AFF1: variants seen among roughly 807,000 people sequenced by gnomAD.
AFF1 encodes ALF transcription elongation factor 1, also known as AF4/FMR2 family member 1.
In AFF1, 48 loss-of-function variants were observed where a neutral mutation model predicts 121.7. That is an observed-to-expected ratio of 0.39 (90% CI 0.31 to 0.50). The LOEUF is 0.50. Among genes scored for constraint, AFF1 ranks in the 20% least tolerant of loss-of-function variants. The pLI is 0.76. For missense variants in AFF1, 1,523 were observed against 1,511.7 expected, an observed-to-expected ratio of 1.01 and a Z score of -0.12; for synonymous variants, 613 against 563.0, an observed-to-expected ratio of 1.09 and a Z score of -1.26.
At chr4:87,077,900 T>A (rs1398424211) in intron 4 of AFF1, among the ~76,000 whole-genome samples, 1 of 152,222 alleles carries the variant, frequency 6.6e-6, no homozygotes, top group Non-Finnish European at 1.5e-5. Flanking sequence ...AGATACACAT[T>A]TAGATTGTTT....
chr4:87,018,822 A>T (rs184411523), intron 2 of AFF1, among the ~76,000 whole-genome samples: 1 of 152,356 alleles, frequency 6.6e-6, no homozygotes, highest in East Asian at 1.9e-4. Context: ...TAATTGGCAC[A>T]TAAATGTAAA....
intron 2 of AFF1, chr4:87,007,542 T>TCTC (rs978173602): frequency 2.2e-6 from 3 of 1,340,714 alleles, no homozygotes; most frequent in Admixed American, 1.9e-5. Context: ...GTCATTGCCT[T>TCTC]CTCATCATTC....
chr4:87,114,383 C>T lies in AFF1; in HGVS notation c.1550C>T (p.Thr517Ile). 1.3e-6 allele frequency: 2 copies of T among 1,595,672 alleles called. No homozygotes were observed. The highest frequency in any genetic ancestry group is 1.7e-6 in the Non-Finnish European group (2 of 1,175,504). ...TPAPEPEPPT[T>I]NKWQLDNWLT... is the part of the protein sequence containing the mutation. ...TATTTTTAGCCTGAGCCTCCAACAA[C>T]AAACAAATGGCAGCTGGACAACTGG... The change falls in exon 12 of 21, where the codon ACA becomes ATA. Residue 517 changes from threonine (T) to isoleucine (I), a missense_variant. This residue lies in a region of AFF1 where 905 missense variants were observed against 842.5 expected (regional missense o/e 1.07). Coordinates refer to ENST00000395146, the MANE Select transcript of AFF1 (RefSeq NM_001166693.3).
intron 2 of AFF1, among the ~76,000 whole-genome samples, chr4:87,012,764 C>T (rs1230300498): frequency 6.6e-6 from 1 of 152,056 alleles, no homozygotes; most frequent in Non-Finnish European, 1.5e-5. Flanking sequence ...GTGCTAATGC[C>T]CCAGGGAACT....
intron 2 of AFF1, among the ~76,000 whole-genome samples, chr4:86,998,496 G>A (rs1442775595): frequency 2.6e-5 from 4 of 152,154 alleles, no homozygotes; most frequent in Non-Finnish European, 4.4e-5. Flanking sequence ...AGAAAATAAC[G>A]TCATCTGACT....
intron 4 of AFF1, among the ~76,000 whole-genome samples, chr4:87,081,800 A>C (rs1228994431): frequency 6.6e-6 from 1 of 152,228 alleles, no homozygotes; most frequent in Non-Finnish European, 1.5e-5. Flanking sequence ...TTAGAATTTT[A>C]AATGGGTTAA....
At chr4:87,047,721 G>C (rs1483898559) in intron 4 of AFF1, 127 bp downstream of exon 4, 2 of 1,272,186 alleles carry the variant, frequency 1.6e-6, no homozygotes, top group Non-Finnish European at 1.1e-6. Context: ...ATTCTTTTTG[G>C]CTTTAGGATC....
intron 2 of AFF1, among the ~76,000 whole-genome samples, chr4:86,999,999 T>A (rs1466318656): frequency 6.6e-6 from 1 of 152,150 alleles, no homozygotes; most frequent in Non-Finnish European, 1.5e-5. Context: ...ATGGGGCATG[T>A]CAAAGGGGCA....
intron 8 of AFF1, 118 bp from the exon 9 acceptor site, chr4:87,105,510 G>A: frequency 9.0e-7 from 1 of 1,113,190 alleles, no homozygotes; most frequent in Non-Finnish European, 1.3e-6. Context: ...AATAAATAAA[G>A]AAAACTTACA....
intron 2 of AFF1, among the ~76,000 whole-genome samples, chr4:87,029,579 A>G (rs1307544870): frequency 6.6e-6 from 1 of 152,212 alleles, no homozygotes; most frequent in Non-Finnish European, 1.5e-5. Flanking sequence ...TGGAATAGAT[A>G]GCACAGGGAA....
intron 2 of AFF1, among the ~76,000 whole-genome samples, chr4:86,976,650 C>CATGT (rs926915306): frequency 1.3e-5 from 2 of 152,208 alleles, no homozygotes; most frequent in Admixed American, 6.5e-5. Context: ...AATGACCTAA[C>CATGT]ATGTACTATG....
intron 8 of AFF1, among the ~76,000 whole-genome samples, chr4:87,100,336 C>G (rs1560624524): frequency 6.6e-6 from 1 of 152,084 alleles, no homozygotes; most frequent in Non-Finnish European, 1.5e-5. Context: ...TAACCTATCC[C>G]CTACCACGGC....
intron 2 of AFF1, among the ~76,000 whole-genome samples, chr4:87,025,109 T>C (rs1235922660): frequency 6.6e-6 from 1 of 152,126 alleles, no homozygotes; most frequent in East Asian, 1.9e-4. Flanking sequence ...TTGTGTTTAG[T>C]ATTGAGTTAT....
intron 19 of AFF1, among the ~76,000 whole-genome samples, chr4:87,132,839 T>C (rs368156771): frequency 1.4e-4 from 21 of 152,182 alleles, no homozygotes; most frequent in African/African-American, 5.1e-4. Flanking sequence ...TACAGGCCTG[T>C]GCCACCACCA....
intron 2 of AFF1, among the ~76,000 whole-genome samples, chr4:86,990,463 G>A (rs1724613978): frequency 6.6e-6 from 1 of 152,070 alleles, no homozygotes; most frequent in Non-Finnish European, 1.5e-5. Context: ...GAAAACATAA[G>A]GCCATAAGAC....
intron 4 of AFF1, among the ~76,000 whole-genome samples, chr4:87,059,920 G>A (rs1277146453): frequency 6.6e-6 from 1 of 152,224 alleles, no homozygotes; most frequent in Admixed American, 6.5e-5. Context: ...GAGAACTGGA[G>A]CCAAATGGGA....
chr4:87,015,234 T>C (rs1727182417), intron 2 of AFF1, among the ~76,000 whole-genome samples: 3 of 152,332 alleles, frequency 2.0e-5, no homozygotes, highest in South Asian at 2.1e-4. Context: ...TTACAGTCTG[T>C]GTCTCCCTCT....
At chr4:86,957,027 C>T (rs1010411931) in intron 2 of AFF1, among the ~76,000 whole-genome samples, 1 of 152,092 alleles carries the variant, frequency 6.6e-6, no homozygotes, top group African/African-American at 2.4e-5. Flanking sequence ...GTCTTTAGCC[C>T]TGAACTCCCT....
intron 2 of AFF1, among the ~76,000 whole-genome samples, chr4:86,988,380 C>CTT (rs113067662): frequency 8.8e-5 from 13 of 147,910 alleles, no homozygotes; most frequent in African/African-American, 2.7e-4. Context: ...GTTAGATCAA[C>CTT]TTTTTTTTTT....
Sources: allele counts gnomAD v4.1 joint callset (sites outside exome capture counted in the v4.1 genomes callset), GRCh38; gene constraint gnomAD v4.1.1; regional missense constraint gnomAD v4.1.1; transcripts MANE v1.5; gene names NCBI Gene and HGNC (gene_info 2026-07-23, HGNC 2026-07-21).